EFCAB13: variants seen among roughly 807,000 people sequenced by gnomAD.
EFCAB13 encodes EF-hand calcium binding domain 13.
In EFCAB13, 91 loss-of-function variants were observed where a neutral mutation model predicts 110.2. That is an observed-to-expected ratio of 0.83 (90% CI 0.70 to 0.98). The LOEUF is 0.98. Ranked by LOEUF, EFCAB13 falls within the 50% of genes least tolerant of loss-of-function variation. The pLI is 0.00. For missense variants in EFCAB13, 968 were observed against 1,119.4 expected (o/e 0.86, Z 1.93); for synonymous variants, 323 against 369.9 (o/e 0.87, Z 1.45).
chr17:47,377,046 G>A (rs2065619338), intron 12 of EFCAB13, among the ~76,000 whole-genome samples: 1 of 152,144 alleles, frequency 6.6e-6, no homozygotes, highest in East Asian at 1.9e-4. Flanking sequence ...TGAAGGTTAT[G>A]AACTGAAAAC....
intron 10 of EFCAB13, among the ~76,000 whole-genome samples, chr17:47,361,783 C>T (rs1181214102): frequency 6.6e-6 from 1 of 152,112 alleles, no homozygotes; most frequent in Non-Finnish European, 1.5e-5. Context: ...CCTTACATCT[C>T]TTTTCCAAGT....
chr17:47,396,753 G>C (rs2143425793), intron 17 of EFCAB13, among the ~76,000 whole-genome samples: 1 of 152,226 alleles, frequency 6.6e-6, no homozygotes, highest in East Asian at 1.9e-4. Context: ...CCATTTAGTT[G>C]AGGCTAGAAG....
rs1398820119 is a variant in EFCAB13 at position 47,345,030 on chromosome 17, T to A, written c.449T>A (p.Leu150Gln). Residue 150 changes from leucine (L) to glutamine (Q), a missense_variant, in exon 8 of 25, where the codon CTG becomes CAG. Transcript: ENST00000331493. ...TTCTTTGACAGGGAAAAGGAAATGCTGTCTAACCTCTACATGACATTATAT... is the reference window on the plus strand; with the variant it reads ...TTCTTTGACAGGGAAAAGGAAATGCAGTCTAACCTCTACATGACATTATAT... ...SSAITREKEM[L>Q]SNLYMTLYDE... 1.2e-6 allele frequency: 2 copies of A among 1,603,880 alleles called. No homozygotes were observed. Among genetic ancestry groups the A allele is most frequent in the Non-Finnish European group, 1.7e-6 (2 of 1,175,800 alleles).
chr17:47,338,858 A>G (rs1170945129), intron 5 of EFCAB13, among the ~76,000 whole-genome samples: 2 of 151,968 alleles, frequency 1.3e-5, no homozygotes, highest in Admixed American at 6.6e-5. Flanking sequence ...TAGTGTGTCA[A>G]AAAAGCAAGA....
chr17:47,398,119 T>C (rs1426026962), intron 17 of EFCAB13, among the ~76,000 whole-genome samples: 19 of 121,108 alleles, frequency 1.6e-4, no homozygotes, highest in South Asian at 1.5e-3. Flanking sequence ...GGTGGGGGGG[T>C]CAGCCCCCCC....
intron 14 of EFCAB13, among the ~76,000 whole-genome samples, chr17:47,385,166 T>G (rs2065669543): frequency 6.6e-6 from 1 of 152,170 alleles, no homozygotes; most frequent in South Asian, 2.1e-4. Flanking sequence ...TTCTCTGTAT[T>G]TCCTGAATTT....
chr17:47,407,759 G>T (rs1400384176), intron 20 of EFCAB13, among the ~76,000 whole-genome samples: 1 of 151,940 alleles, frequency 6.6e-6, no homozygotes, highest in East Asian at 1.9e-4. Flanking sequence ...TTTTTTGTTT[G>T]TTTTTTGTTT....
intron 17 of EFCAB13, among the ~76,000 whole-genome samples, chr17:47,397,468 C>T (rs1438635258): frequency 1.9e-4 from 4 of 21,500 alleles, no homozygotes; most frequent in Admixed American, 3.5e-4. Context: ...TCTGCCTGGC[C>T]GCCCATCGTC....
chr17:47,374,488 A>G lies in EFCAB13; in HGVS notation c.894A>G (p.Ser298=), dbSNP rs1190618533. The change falls in exon 12 of 25, where the codon TCA becomes TCG. Residue 298 remains serine (S), a synonymous_variant. Transcript: ENST00000331493. The part of the protein sequence containing the change: ...QYEDVSITEG[S]PLNEITSDRK... Reference sequence around the variant, plus strand: ...CTTATTTAGCAATTACAGAAGGATCACCTTTGAATGAAATTACTTCAGACA... The same window carrying G: ...CTTATTTAGCAATTACAGAAGGATCGCCTTTGAATGAAATTACTTCAGACA... 1 of 1,519,146 alleles carries G rather than the reference A, an allele frequency of 6.6e-7. No homozygotes were observed. The highest frequency in any genetic ancestry group is 8.8e-7 in the Non-Finnish European group (1 of 1,136,220). 94.1% of individuals were successfully genotyped at this position (1,519,146 alleles called of 1,614,324 possible).
At chr17:47,397,789 G>A (rs2065750711) in intron 17 of EFCAB13, among the ~76,000 whole-genome samples, 1 of 151,140 alleles carries the variant, frequency 6.6e-6, no homozygotes, top group Non-Finnish European at 1.5e-5. Flanking sequence ...CCGCCCGTCT[G>A]AGAAGTGAGG....
intron 23 of EFCAB13, among the ~76,000 whole-genome samples, chr17:47,427,958 T>A (rs1162216314): frequency 6.6e-6 from 1 of 152,040 alleles, no homozygotes; most frequent in African/African-American, 2.4e-5. Context: ...AAAAAAGGGT[T>A]GCAAATTGGT....
chr17:47,391,424 C>T lies in EFCAB13; in HGVS notation c.1583-13C>T, dbSNP rs556608893. 2 of 1,532,468 alleles carry T rather than the reference C, an allele frequency of 1.3e-6. No individual in the cohort carries two copies. The highest frequency in any genetic ancestry group is 2.2e-5 in the Admixed American group (1 of 44,830). 94.9% of individuals were successfully genotyped at this position (1,532,468 alleles called of 1,614,324 possible). Reference sequence around the variant, plus strand: ...TATATTTAATACTTATTAGCATACTCCTTTATTTTTAGCGTTGCCTGGTGT... The same window carrying T: ...TATATTTAATACTTATTAGCATACTTCTTTATTTTTAGCGTTGCCTGGTGT... On this transcript the variant is annotated splice_polypyrimidine_tract_variant and intron_variant, in intron 14 of 24. Transcript: ENST00000331493.
At chr17:47,361,062 C>T (rs1598732999) in intron 9 of EFCAB13, among the ~76,000 whole-genome samples, 1 of 152,240 alleles carries the variant, frequency 6.6e-6, no homozygotes, top group East Asian at 1.9e-4. Context: ...AAGTAGATGT[C>T]TTGGGGACCC....
Position 47,440,759 on chromosome 17 carries a change from AT to A in EFCAB13, c.*47del. On this transcript the variant is annotated 3_prime_UTR_variant, in exon 25 of 25. Coordinates refer to ENST00000331493, the MANE Select transcript of EFCAB13 (RefSeq NM_152347.5). The stretch of plus-strand genomic sequence containing the variant: ...CTAGAAAATTACTAGATTATATATT[AT>A]TCAGTATGCATATTTGACTTCTGAA... 1 of 1,389,878 alleles carries A rather than the reference AT, an allele frequency of 7.2e-7. No individual in the cohort carries two copies. Among genetic ancestry groups the A allele is most frequent in the Non-Finnish European group, 9.6e-7 (1 of 1,039,632 alleles). The allele number at this position is 1,389,878 out of a possible 1,614,324, so 86.1% of individuals were successfully genotyped here.
chr17:47,380,946 G>A (rs920832224), intron 14 of EFCAB13, among the ~76,000 whole-genome samples: 16 of 148,176 alleles, frequency 1.1e-4, no homozygotes, highest in Middle Eastern at 3.5e-3. Flanking sequence ...GCAGTGGCAC[G>A]GTCTTGGCTC....
chr17:47,386,865 G>A (rs1374767235), intron 14 of EFCAB13, among the ~76,000 whole-genome samples: 1 of 152,048 alleles, frequency 6.6e-6, no homozygotes, highest in Non-Finnish European at 1.5e-5. Context: ...CCCTTGGCTG[G>A]GGGAGGGAGC....
intron 14 of EFCAB13, among the ~76,000 whole-genome samples, chr17:47,389,576 ATC>A (rs2143405484): frequency 6.9e-6 from 1 of 144,694 alleles, no homozygotes; most frequent in African/African-American, 2.5e-5. Context: ...CCCTCATTTC[ATC>A]TTTTTTTTTT....
chr17:47,421,615 A>C (rs909915134), intron 23 of EFCAB13, among the ~76,000 whole-genome samples: 1 of 101,408 alleles, frequency 9.9e-6, no homozygotes, highest in Non-Finnish European at 2.0e-5. Flanking sequence ...AACACCCAAG[A>C]ATGAGCAATA....
intron 6 of EFCAB13, among the ~76,000 whole-genome samples, chr17:47,343,869 A>G (rs116968656): frequency 0.042 from 6,383 of 152,182 alleles, 192 homozygotes; most frequent in Middle Eastern, 0.15. Context: ...TCTCTATACC[A>G]TAGGTTTTCC....
Sources: allele counts gnomAD v4.1 joint callset (sites outside exome capture counted in the v4.1 genomes callset), GRCh38; gene constraint gnomAD v4.1.1; transcripts MANE v1.5; gene names NCBI Gene and HGNC (gene_info 2026-07-23, HGNC 2026-07-21).